CERS6: variants seen among roughly 807,000 people sequenced by gnomAD.
CERS6 encodes LAG1 homolog, ceramide synthase 6.
A neutral mutation model predicts 56.8 loss-of-function variants in CERS6; 26 were observed. The observed-to-expected ratio is 0.46, with a 90% CI of 0.34 to 0.63. CERS6 has a LOEUF of 0.63. CERS6 is among the 30% of genes least tolerant of loss of function. The pLI is 0.01. For missense variants in CERS6, 415 were observed against 467.5 expected, an observed-to-expected ratio of 0.89 and a Z score of 1.04; for synonymous variants, 164 against 173.3, an observed-to-expected ratio of 0.95 and a Z score of 0.42.
At chr2:168,538,132 C>G (rs1695299008) in intron 1 of CERS6, among the ~76,000 whole-genome samples, 1 of 151,766 alleles carries the variant, frequency 6.6e-6, no homozygotes. Flanking sequence ...TTTTCCCCTT[C>G]TGTCTGCTCT....
At chr2:168,637,782 T>C (rs78367329) in intron 4 of CERS6, among the ~76,000 whole-genome samples, 2,613 of 152,288 alleles carry the variant, frequency 0.017, 100 homozygotes, top group East Asian at 0.16. Context: ...TGTGTTTTAC[T>C]GTGGTAGTAA....
At chr2:168,611,695 TTTAG>T (rs1429059310) in intron 3 of CERS6, among the ~76,000 whole-genome samples, 2 of 152,220 alleles carry the variant, frequency 1.3e-5, no homozygotes, top group Non-Finnish European at 2.9e-5. Context: ...AAAGTACAGA[TTTAG>T]TTAGTAGCAA....
At chr2:168,578,099 G>A (rs1481503432) in intron 3 of CERS6, among the ~76,000 whole-genome samples, 1 of 152,084 alleles carries the variant, frequency 6.6e-6, no homozygotes, top group Non-Finnish European at 1.5e-5. Flanking sequence ...TGGAGCCCTC[G>A]CTCAGATATT....
chr2:168,474,393 A>G (rs1229346955), intron 1 of CERS6, among the ~76,000 whole-genome samples: 2 of 152,216 alleles, frequency 1.3e-5, no homozygotes, highest in African/African-American at 2.4e-5. Context: ...GCAGAGTTAA[A>G]ATTTTGATAA....
At chr2:168,754,414 C>T (rs1366597806) in intron 8 of CERS6, among the ~76,000 whole-genome samples, 4 of 152,148 alleles carry the variant, frequency 2.6e-5, no homozygotes, top group African/African-American at 4.8e-5. Context: ...TTAGTTAATA[C>T]ATTGCTTTAG....
chr2:168,634,031 A>G (rs143714013), intron 4 of CERS6, among the ~76,000 whole-genome samples: 73 of 152,252 alleles, frequency 4.8e-4, no homozygotes, highest in Non-Finnish European at 8.4e-4. Context: ...CTTTAGGTCA[A>G]ATGAGCCTGT....
intron 1 of CERS6, among the ~76,000 whole-genome samples, chr2:168,484,391 G>A (rs1204697031): frequency 6.6e-6 from 1 of 151,650 alleles, no homozygotes; most frequent in Non-Finnish European, 1.5e-5. Context: ...ATGTTGGTCA[G>A]GCTGGTCTCG....
intron 1 of CERS6, among the ~76,000 whole-genome samples, chr2:168,483,369 G>T (rs1046612034): frequency 6.6e-6 from 1 of 151,946 alleles, no homozygotes; most frequent in Non-Finnish European, 1.5e-5. Context: ...ACTCATCTTG[G>T]ACTGGATACT....
chr2:168,513,399 T>C (rs1447167612), intron 1 of CERS6, among the ~76,000 whole-genome samples: 1 of 152,210 alleles, frequency 6.6e-6, no homozygotes, highest in Non-Finnish European at 1.5e-5. Flanking sequence ...TACATTACAT[T>C]TAGTCACATC....
Position 168,652,544 on chromosome 2 carries a change from T to C in CERS6, c.465+21502T>C, listed in dbSNP as rs144916965. 4.1e-3 allele frequency among the ~76,000 whole-genome samples: 600 copies of C among 147,654 alleles called. 3 individuals are homozygous for C. The highest frequency in any genetic ancestry group is 7.1e-3 in the Admixed American group (105 of 14,846). On this transcript the variant is annotated intron_variant, in intron 4 of 9. Transcript: ENST00000305747. ...AGCCCTTAGCTGCTAAATAAATAAG[T>C]AGTTTTTTTAAAGCCAAGGGAAAAA...
At chr2:168,499,113 T>A (rs1351597388) in intron 1 of CERS6, among the ~76,000 whole-genome samples, 1 of 152,158 alleles carries the variant, frequency 6.6e-6, no homozygotes, top group Non-Finnish European at 1.5e-5. Flanking sequence ...CCAGAGTGAT[T>A]TGGCTACCTG....
intron 8 of CERS6, among the ~76,000 whole-genome samples, chr2:168,719,551 C>T (rs1196506650): frequency 6.6e-6 from 1 of 152,182 alleles, no homozygotes; most frequent in African/African-American, 2.4e-5. Context: ...CCTTATATTC[C>T]TTTTGTTTTC....
chr2:168,480,307 G>A (rs1694156458), intron 1 of CERS6, among the ~76,000 whole-genome samples: 1 of 152,222 alleles, frequency 6.6e-6, no homozygotes, highest in Non-Finnish European at 1.5e-5. Flanking sequence ...CACACAAATG[G>A]AGAGGAGAAA....
At chr2:168,511,950 GCACACA>G (rs10568314) in intron 1 of CERS6, among the ~76,000 whole-genome samples, 2,945 of 148,612 alleles carry the variant, frequency 0.02, 53 homozygotes, top group African/African-American at 0.048. Flanking sequence ...GCATGCACGT[GCACACA>G]CACACACACA....
At chr2:168,714,223 C>T (rs1160724072) in intron 6 of CERS6, among the ~76,000 whole-genome samples, 1 of 152,180 alleles carries the variant, frequency 6.6e-6, no homozygotes, top group Admixed American at 6.5e-5. Flanking sequence ...AAATACCCCA[C>T]CTCCTAATAT....
At chr2:168,730,572 C>T (rs1683498570) in intron 8 of CERS6, among the ~76,000 whole-genome samples, 1 of 152,150 alleles carries the variant, frequency 6.6e-6, no homozygotes, top group Admixed American at 6.5e-5. Flanking sequence ...GTATGAGGGA[C>T]CTGGTGAGTC....
At chr2:168,725,974 T>C (rs16855727) in intron 8 of CERS6, among the ~76,000 whole-genome samples, 18,295 of 152,254 alleles carry the variant, frequency 0.12, 1,332 homozygotes, top group African/African-American at 0.21. Context: ...CTCTCTCTTA[T>C]AGTCCACTTA....
At chr2:168,735,541 T>G (rs1179189675) in intron 8 of CERS6, among the ~76,000 whole-genome samples, 1 of 151,822 alleles carries the variant, frequency 6.6e-6, no homozygotes, top group Non-Finnish European at 1.5e-5. Context: ...GAGTACAGAG[T>G]ATGAAGTGCT....
intron 4 of CERS6, among the ~76,000 whole-genome samples, chr2:168,639,059 T>G (rs1684928291): frequency 6.6e-6 from 1 of 152,156 alleles, no homozygotes; most frequent in African/African-American, 2.4e-5. Flanking sequence ...AAAGAACGCA[T>G]GTCAGAGTCT....
Sources: gnomAD v4.1 joint callset for allele counts (sites outside exome capture counted in the v4.1 genomes callset) on GRCh38, gnomAD v4.1.1 for gene constraint, MANE v1.5 for transcripts, NCBI Gene and HGNC (gene_info 2026-07-23, HGNC 2026-07-21) for gene names.